RNF130: variants seen among roughly 807,000 people sequenced by gnomAD.
The protein encoded by RNF130 is ring finger protein 130, also known as E3 ubiquitin-protein ligase RNF130.
A neutral mutation model predicts 44.6 loss-of-function variants in RNF130; 21 were observed. The observed-to-expected ratio is 0.47, with a 90% CI of 0.33 to 0.68. The LOEUF (loss-of-function observed/expected upper bound fraction) is 0.68, where lower values mean the gene tolerates loss of function less well. Ranked by LOEUF, RNF130 falls within the 30% of genes least tolerant of loss-of-function variation. RNF130 has a pLI of 0.02. For missense variants in RNF130, 479 were observed against 560.6 expected, an observed-to-expected ratio of 0.85 and a Z score of 1.47; for synonymous variants, 214 against 210.4, an observed-to-expected ratio of 1.02 and a Z score of -0.15.
chr5:179,992,535 A>C (rs965431787), intron 3 of RNF130, among the ~76,000 whole-genome samples: 2 of 152,214 alleles, frequency 1.3e-5, no homozygotes, highest in Admixed American at 6.5e-5. Flanking sequence ...TAAAAAACTT[A>C]TCTTACTTGA....
chr5:179,995,479 T>C (rs1260831103), intron 3 of RNF130, among the ~76,000 whole-genome samples: 1 of 152,194 alleles, frequency 6.6e-6, no homozygotes, highest in Non-Finnish European at 1.5e-5. Context: ...TGAGACTTTA[T>C]AATGCTAACA....
rs75149321 is a variant in RNF130 at position 179,928,488 on chromosome 5, C to T, written c.1151-8062G>A. Reference sequence around the variant, plus strand: ...TTGCAGGCTGTTTGTGTATCTGGTTCGCTCTGAAATGTCTCTTTGTTTCTT... The same window carrying T: ...TTGCAGGCTGTTTGTGTATCTGGTTTGCTCTGAAATGTCTCTTTGTTTCTT... On this transcript the variant is annotated intron_variant, in intron 7 of 7. Coordinates refer to the RNF130 transcript ENST00000522208. Among the ~76,000 whole-genome samples, 5 of 152,078 alleles carry T rather than the reference C, an allele frequency of 3.3e-5. No individual in the cohort carries two copies. The South Asian group carries it at 6.2e-4, about 19-fold the overall frequency.
downstream of RNF130, among the ~76,000 whole-genome samples, chr5:179,952,087 C>A (rs1171998666): frequency 6.6e-6 from 1 of 152,008 alleles, no homozygotes; most frequent in Admixed American, 6.6e-5. Flanking sequence ...AATCTTACCA[C>A]TTTGGGAGGC....
chr5:179,999,004 T>A (rs1249847648), intron 3 of RNF130, among the ~76,000 whole-genome samples: 1 of 151,010 alleles, frequency 6.6e-6, no homozygotes, highest in Non-Finnish European at 1.5e-5. Flanking sequence ...TATTTTTCAA[T>A]ATTTTATTTT....
At chr5:179,930,847 C>T (rs564218670) in intron 7 of RNF130, among the ~76,000 whole-genome samples, 1 of 150,752 alleles carries the variant, frequency 6.6e-6, no homozygotes, top group Non-Finnish European at 1.5e-5. Context: ...AAGACCAGCC[C>T]AGTAAACATA....
intron 3 of RNF130, among the ~76,000 whole-genome samples, chr5:180,010,023 G>A (rs1404771628): frequency 2.0e-5 from 3 of 151,940 alleles, no homozygotes; most frequent in East Asian, 3.9e-4. Flanking sequence ...TGAGGTGGGC[G>A]GATCACAAGG....
intron 1 of RNF130, among the ~76,000 whole-genome samples, chr5:180,062,712 G>A (rs1270318107): frequency 6.6e-6 from 1 of 152,186 alleles, no homozygotes; most frequent in Non-Finnish European, 1.5e-5. Context: ...CATTGGGTTT[G>A]CCAGAGATGA....
At chr5:180,068,290 T>C (rs1765153791) in intron 1 of RNF130, among the ~76,000 whole-genome samples, 1 of 150,496 alleles carries the variant, frequency 6.6e-6, no homozygotes, top group Non-Finnish European at 1.5e-5. Flanking sequence ...ATTTTGCTCC[T>C]AGTTCTAAGC....
intron 1 of RNF130, among the ~76,000 whole-genome samples, chr5:180,050,701 G>A (rs1330802938): frequency 6.6e-6 from 1 of 152,048 alleles, no homozygotes; most frequent in Non-Finnish European, 1.5e-5. Flanking sequence ...TTTTACATCT[G>A]AAAACATCTT....
At chr5:179,982,009 A>G (rs1762851259) in intron 3 of RNF130, among the ~76,000 whole-genome samples, 1 of 152,128 alleles carries the variant, frequency 6.6e-6, no homozygotes, top group Non-Finnish European at 1.5e-5. Context: ...TACAATCAAG[A>G]CAGTGTATCT....
chr5:179,974,202 G>A (rs535382221), intron 5 of RNF130, among the ~76,000 whole-genome samples: 18 of 152,294 alleles, frequency 1.2e-4, no homozygotes, highest in Admixed American at 5.2e-4. Flanking sequence ...ATGGACCCTC[G>A]GCTGCAGTGG....
intron 3 of RNF130, among the ~76,000 whole-genome samples, chr5:179,994,820 A>G (rs960836193): frequency 6.6e-6 from 1 of 152,174 alleles, no homozygotes; most frequent in Non-Finnish European, 1.5e-5. Context: ...AGCAGGTGGT[A>G]GTTGCAGGTC....
intron 2 of RNF130, among the ~76,000 whole-genome samples, chr5:180,030,067 T>C (rs1453074741): frequency 3.3e-5 from 5 of 152,098 alleles, no homozygotes; most frequent in African/African-American, 4.8e-5. Context: ...AGGCTGGTCT[T>C]GAACTTCTGA....
chr5:179,946,451 TTAAGG>T (rs779299056), intron 7 of RNF130, among the ~76,000 whole-genome samples: 2 of 152,164 alleles, frequency 1.3e-5, no homozygotes, highest in Non-Finnish European at 2.9e-5. Flanking sequence ...AAAAAAAACT[TTAAGG>T]TAAAGAAACA....
chr5:180,050,062 C>T (rs567700733), intron 1 of RNF130, among the ~76,000 whole-genome samples: 8 of 152,340 alleles, frequency 5.3e-5, no homozygotes, highest in Non-Finnish European at 8.8e-5. Context: ...GAAATGTATT[C>T]TCCCACAGTT....
intron 7 of RNF130, among the ~76,000 whole-genome samples, chr5:179,932,116 G>A (rs902463994): frequency 2.0e-5 from 3 of 151,520 alleles, no homozygotes; most frequent in Admixed American, 2.0e-4. Context: ...CTCCCCTTTT[G>A]TACCATTAAA....
rs112834074 is a variant in RNF130, at chr5:180,055,620, A to G, written c.248-14973T>C. On this transcript the variant is annotated intron_variant, in intron 1 of 8. Coordinates refer to ENST00000521389, the MANE Select transcript of RNF130 (RefSeq NM_018434.6). ...GTTTTCAGATAATACTGCCAACAGT[A>G]TAATAGCCATACACTACTCAGTTAC... 5.9e-5 allele frequency among the ~76,000 whole-genome samples: 9 copies of G among 152,324 alleles called. 1 individual carries two copies. The highest frequency in any genetic ancestry group is 1.7e-4 in the African/African-American group (7 of 41,558).
chr5:179,988,671 ATGT>A (rs1234595896), intron 3 of RNF130, among the ~76,000 whole-genome samples: 1 of 152,194 alleles, frequency 6.6e-6, no homozygotes, highest in African/African-American at 2.4e-5. Flanking sequence ...GGCAGTGATC[ATGT>A]TGTTTAGTTT....
chr5:180,056,216 T>C (rs1258252546), intron 1 of RNF130, among the ~76,000 whole-genome samples: 2 of 151,878 alleles, frequency 1.3e-5, no homozygotes, highest in East Asian at 1.9e-4. Context: ...CTGTTACTCT[T>C]AGCCTAAGTG....
Sources: allele counts gnomAD v4.1 joint callset (sites outside exome capture counted in the v4.1 genomes callset), GRCh38; gene constraint gnomAD v4.1.1; transcripts MANE v1.5; gene names NCBI Gene and HGNC (gene_info 2026-07-23, HGNC 2026-07-21).